Variants in GRIN2B observed in about 807,000 individuals in gnomAD.
GRIN2B encodes the protein glutamate receptor ionotropic, NMDA 2B.
Under a neutral mutation model 114.5 loss-of-function variants are expected in GRIN2B, and 5 were observed. The observed-to-expected ratio is 0.04, with a 90% CI of 0.02 to 0.09. The LOEUF (loss-of-function observed/expected upper bound fraction) is 0.09. GRIN2B is among the 10% of genes least tolerant of loss of function. The probability of loss-of-function intolerance (pLI) is 1.00; values close to 1 mark genes in which losing one functional copy is unlikely to be tolerated. For synonymous variants in GRIN2B, 787 were observed against 745.1 expected (o/e 1.06, Z -0.92); for missense variants, 1,108 against 1,943.5 (o/e 0.57, Z 8.08).
intron 3 of GRIN2B, among the ~76,000 whole-genome samples, chr12:13,840,583 G>A (rs1340748750): frequency 2.0e-5 from 3 of 152,124 alleles, no homozygotes; most frequent in Non-Finnish European, 4.4e-5. Flanking sequence ...GATCATTAAT[G>A]TCATATGTTA....
At chr12:13,916,451 G>A (rs1260233444) in intron 2 of GRIN2B, among the ~76,000 whole-genome samples, 2 of 152,074 alleles carry the variant, frequency 1.3e-5, no homozygotes, top group African/African-American at 4.8e-5. Context: ...AATGTGTTGT[G>A]TGAATGGTTC....
At chr12:13,959,785 T>TC (rs397965007) in intron 2 of GRIN2B, among the ~76,000 whole-genome samples, 1 of 132,892 alleles carries the variant, frequency 7.5e-6, no homozygotes, top group Admixed American at 7.3e-5. Flanking sequence ...TTTTTTTTTT[T>TC]GGTCTTCACC....
intron 3 of GRIN2B, among the ~76,000 whole-genome samples, chr12:13,864,748 C>T (rs1462716884): frequency 6.6e-6 from 1 of 152,138 alleles, no homozygotes; most frequent in South Asian, 2.1e-4. Context: ...TGACAATTAG[C>T]CTAACATTAA....
At chr12:13,967,262 C>T (rs1448457007) in intron 2 of GRIN2B, among the ~76,000 whole-genome samples, 4 of 152,200 alleles carry the variant, frequency 2.6e-5, no homozygotes, top group African/African-American at 9.6e-5. Flanking sequence ...GTGCACCCTT[C>T]TCTTTCTCCA....
intron 2 of GRIN2B, among the ~76,000 whole-genome samples, chr12:13,964,480 A>G (rs1867753949): frequency 6.6e-6 from 1 of 152,192 alleles, no homozygotes; most frequent in Admixed American, 6.5e-5. Context: ...TTGCAAGGAA[A>G]AGCTGTTCTC....
chr12:13,562,715 T>G lies in GRIN2B; in HGVS notation c.*68A>C. On this transcript the variant is annotated 3_prime_UTR_variant, in exon 14 of 14. Coordinates refer to ENST00000609686, the MANE Select transcript of GRIN2B (RefSeq NM_000834.5). Reference sequence around the variant, plus strand: ...CCAAGTTCACCCCCGTCACCCTCCGTGACATGCGCATCACGCGACCCACAG... The same window carrying G: ...CCAAGTTCACCCCCGTCACCCTCCGGGACATGCGCATCACGCGACCCACAG... 1.6e-6 allele frequency: 2 copies of G among 1,269,886 alleles called. No homozygotes were observed. The highest frequency in any genetic ancestry group is 2.3e-6 in the Non-Finnish European group (2 of 866,354). The allele number at this position is 1,269,886 out of a possible 1,614,324, so 78.7% of individuals were successfully genotyped here.
At chr12:13,594,579 C>T (rs963402665) in intron 10 of GRIN2B, among the ~76,000 whole-genome samples, 1 of 151,424 alleles carries the variant, frequency 6.6e-6, no homozygotes, top group African/African-American at 2.4e-5. Flanking sequence ...ATGTAGATGA[C>T]AGGTTGATGG....
chr12:13,661,805 C>T (rs911491085), intron 5 of GRIN2B, among the ~76,000 whole-genome samples: 1 of 152,124 alleles, frequency 6.6e-6, no homozygotes, highest in African/African-American at 2.4e-5. Context: ...TCAGGAAATC[C>T]AGAATCTGGA....
At chr12:13,651,788 G>T (rs1039110725) in intron 5 of GRIN2B, among the ~76,000 whole-genome samples, 1 of 152,122 alleles carries the variant, frequency 6.6e-6, no homozygotes, top group Admixed American at 6.6e-5. Context: ...AAATGTCCAT[G>T]AGGTTTGAAC....
chr12:13,620,910 G>A (rs1372888758), intron 5 of GRIN2B, among the ~76,000 whole-genome samples: 7 of 149,638 alleles, frequency 4.7e-5, no homozygotes. Flanking sequence ...AAAAATAAGA[G>A]GGAAAGTTAA....
intron 3 of GRIN2B, among the ~76,000 whole-genome samples, chr12:13,794,037 A>G (rs1368332223): frequency 2.9e-5 from 1 of 34,424 alleles, no homozygotes; most frequent in Non-Finnish European, 5.4e-5. Flanking sequence ...TCCCATCTCT[A>G]CAAAAAAAAA....
intron 2 of GRIN2B, among the ~76,000 whole-genome samples, chr12:13,942,644 C>T (rs1213174685): frequency 6.6e-6 from 1 of 152,144 alleles, no homozygotes; most frequent in Non-Finnish European, 1.5e-5. Flanking sequence ...CATCTATTTT[C>T]TATAAAGTTC....
At chr12:13,623,254 T>C (rs1167788873) in intron 5 of GRIN2B, among the ~76,000 whole-genome samples, 2 of 152,228 alleles carry the variant, frequency 1.3e-5, no homozygotes, top group African/African-American at 4.8e-5. Flanking sequence ...ATATTTATGA[T>C]ATTTCCAAAA....
chr12:13,855,963 C>T (rs1455143342), intron 3 of GRIN2B, among the ~76,000 whole-genome samples: 1 of 152,158 alleles, frequency 6.6e-6, no homozygotes, highest in African/African-American at 2.4e-5. Flanking sequence ...AAGCATAGCC[C>T]TGGCCCACAA....
chr12:13,912,868 T>C (rs1274361941), intron 2 of GRIN2B, among the ~76,000 whole-genome samples: 1 of 151,990 alleles, frequency 6.6e-6, no homozygotes, highest in Non-Finnish European at 1.5e-5. Context: ...AGGATGCACA[T>C]AAAAAATCCC....
At chr12:13,715,780 T>C (rs1392405865) in intron 4 of GRIN2B, among the ~76,000 whole-genome samples, 2 of 151,874 alleles carry the variant, frequency 1.3e-5, no homozygotes, top group Admixed American at 6.6e-5. Context: ...TATAACCCCT[T>C]GATAATAAAA....
chr12:13,805,157 C>G (rs1400104767), intron 3 of GRIN2B, among the ~76,000 whole-genome samples: 2 of 152,148 alleles, frequency 1.3e-5, no homozygotes, highest in Non-Finnish European at 2.9e-5. Flanking sequence ...AGTTATTCTT[C>G]TGTGAAGTAG....
In GRIN2B at chr12:13,564,766, A is replaced by T; in HGVS notation, c.2599-127T>A. 1.1e-6 allele frequency: 1 copy of T among 881,196 alleles called. No individual in the cohort carries two copies. Among genetic ancestry groups the T allele is most frequent in the Non-Finnish European group, 1.9e-6 (1 of 532,308 alleles). 54.6% of individuals were successfully genotyped at this position (881,196 alleles called of 1,614,324 possible). On this transcript the variant is annotated intron_variant, in intron 13 of 13. Transcript: ENST00000609686. This position sits in a 1 kb window ranked among gnomAD's most constrained non-coding sequence, Gnocchi z 4.8. ...GGGAAAGCATGAAGCGAATAGTCTA[A>T]TATACTATTAGATGTGGCTAGAAGT...
chr12:13,737,850 C>T (rs1049136195), intron 4 of GRIN2B, among the ~76,000 whole-genome samples: 16 of 152,216 alleles, frequency 1.1e-4, no homozygotes, highest in African/African-American at 3.9e-4. Context: ...TTCCTTTAGA[C>T]AAACGTAAAG....
Sources: gnomAD v4.1 joint callset for allele counts (sites outside exome capture counted in the v4.1 genomes callset) on GRCh38, gnomAD v4.1.1 for gene constraint, Gnocchi (gnomAD v3.1) non-coding constraint, MANE v1.5 for transcripts, NCBI Gene and HGNC (gene_info 2026-07-23, HGNC 2026-07-21) for gene names.